The following DEPDC5 variants were observed in gnomAD, a reference collection of about 807,000 sequenced individuals.
DEPDC5 encodes the protein DEP domain containing 5, GATOR1 subcomplex subunit, also known as GATOR1 complex protein DEPDC5.
A neutral mutation model predicts 217.3 loss-of-function variants in DEPDC5; 73 were observed. The observed-to-expected ratio is 0.34, with a 90% CI of 0.28 to 0.41. The LOEUF (loss-of-function observed/expected upper bound fraction) is 0.41. Ranked by LOEUF, DEPDC5 falls within the 10% of genes least tolerant of loss-of-function variation. The probability of loss-of-function intolerance (pLI) is 1.00; values close to 1 mark genes in which losing one functional copy is unlikely to be tolerated. For missense variants in DEPDC5, 1,675 were observed against 2,070.1 expected (o/e 0.81, Z 3.70); for synonymous variants, 733 against 756.7 (o/e 0.97, Z 0.51).
intron 38 of DEPDC5, among the ~76,000 whole-genome samples, chr22:31,880,431 A>G (rs2093142728): frequency 6.6e-6 from 1 of 152,162 alleles, no homozygotes; most frequent in South Asian, 2.1e-4. Context: ...AGACCATGGG[A>G]TTTATCTTAA....
At chr22:31,837,543 G>A (rs1007756939) in intron 26 of DEPDC5, among the ~76,000 whole-genome samples, 1 of 151,782 alleles carries the variant, frequency 6.6e-6, no homozygotes, top group Admixed American at 6.6e-5. Context: ...TTATAAAGAC[G>A]CTATTTTGCC....
At position 31,897,574 on chromosome 22, in the gene DEPDC5, C is replaced by T. The variant is rs755837385; in HGVS notation, c.4296C>T (p.Gly1432=). 1.1e-5 allele frequency: 17 copies of T among 1,614,078 alleles called. No individual in the cohort carries two copies. The highest frequency in any genetic ancestry group is 3.3e-5 in the Admixed American group (2 of 60,004). The change falls in exon 40 of 43, where the codon GGC becomes GGT. Residue 1432 remains glycine (G), a synonymous_variant. Transcript: ENST00000651528. ...TTGCACTGCCCAGTTACCTGTATGG[C>T]GACCCCCTTCGTGCCCAGCTCTTCA... ...GPFALPSYLY[G]DPLRAQLFIP...
rs1237661516 is a variant in DEPDC5, at chr22:31,877,174, G to A, written c.3805+909G>A. Among the ~76,000 whole-genome samples, 4 of 151,740 alleles carry A rather than the reference G, an allele frequency of 2.6e-5. No homozygotes were observed. The East Asian group carries it at 5.8e-4, about 22-fold the overall frequency. On this transcript the variant is annotated intron_variant, in intron 37 of 42. Coordinates refer to ENST00000651528, the MANE Select transcript of DEPDC5 (RefSeq NM_001242896.3). Reference sequence around the variant, plus strand: ...CAGCCGGCTGGGCACTGCGGCTCACGCCTATAATCCTAGCACTTTGGGAGG... The same window carrying A: ...CAGCCGGCTGGGCACTGCGGCTCACACCTATAATCCTAGCACTTTGGGAGG...
chr22:31,838,894 G>A (rs2091216962), intron 27 of DEPDC5, 49 bp downstream of exon 27: 1 of 1,547,890 alleles, frequency 6.5e-7, no homozygotes, highest in Non-Finnish European at 8.8e-7. Context: ...TACTGTGTAT[G>A]TGGAAGTGGG....
Position 31,831,820 on chromosome 22 carries a change from T to C in DEPDC5, c.2105-2095T>C, listed in dbSNP as rs187470257. ...AAAATGTGCTATATTTAGTGTACAG[T>C]TCTGTGAGTTTTGACAAATGCATAG... On this transcript the variant is annotated intron_variant, in intron 24 of 42. Coordinates refer to ENST00000651528, the MANE Select transcript of DEPDC5 (RefSeq NM_001242896.3). 2.8e-3 allele frequency among the ~76,000 whole-genome samples: 431 copies of C among 152,348 alleles called. 2 individuals are homozygous for C. The highest frequency in any genetic ancestry group is 9.6e-3 in the African/African-American group (401 of 41,574).
At chr22:31,859,078 T>G (rs1293425740) in intron 32 of DEPDC5, 6 of 136,906 alleles carry the variant, frequency 4.4e-5, no homozygotes, top group African/African-American at 1.7e-4. Context: ...ACCATTCCTT[T>G]GTTTTTTTTT....
intron 37 of DEPDC5, among the ~76,000 whole-genome samples, chr22:31,877,769 AAAAAAC>A (rs1263896438): frequency 2.0e-5 from 3 of 149,962 alleles, no homozygotes; most frequent in South Asian, 2.1e-4. Flanking sequence ...AAAAAAAAAA[AAAAAAC>A]AGCAAAAACA....
intron 39 of DEPDC5, among the ~76,000 whole-genome samples, 199 bp from the exon 40 acceptor site, chr22:31,897,283 C>T (rs1297667089): frequency 1.3e-5 from 2 of 152,178 alleles, no homozygotes; most frequent in African/African-American, 4.8e-5. Context: ...GCTTAGCTCA[C>T]AGTTTTTGTA....
At chr22:31,804,089 C>A in intron 15 of DEPDC5, 73 bp from the exon 16 acceptor site, 1 of 1,467,916 alleles carries the variant, frequency 6.8e-7, no homozygotes. Context: ...ATTTAAATAA[C>A]ATGATTTATA....
Position 31,756,577 on chromosome 22 carries a change from A to G in DEPDC5, c.58+1598A>G, listed in dbSNP as rs139347125. ...AAATACATGTTTTTATGTATAAAAT[A>G]CAAAGGTAGTTAGATGCTGTATCCA... On this transcript the variant is annotated intron_variant, in intron 2 of 42. Coordinates refer to ENST00000651528, the MANE Select transcript of DEPDC5 (RefSeq NM_001242896.3). Among the ~76,000 whole-genome samples, 11 of 152,342 alleles carry G rather than the reference A, an allele frequency of 7.2e-5. No homozygotes were observed. The East Asian group carries it at 2.1e-3, about 29-fold the overall frequency.
In DEPDC5 at chr22:31,840,458, GA is replaced by G. The variant is rs771573214; in HGVS notation, c.2515+1614del. Among the ~76,000 whole-genome samples, 10 of 152,326 alleles carry G rather than the reference GA, an allele frequency of 6.6e-5. No individual in the cohort carries two copies. The East Asian group carries it at 1.7e-3, about 26-fold the overall frequency. ...TCAGGAGACCCAAGCCTGTCTGAAG[GA>G]TTTTGTCCTTTATCCCAAGAGTAAT... On this transcript the variant is annotated intron_variant, in intron 27 of 42. Transcript: ENST00000651528.
intron 32 of DEPDC5, 38 bp from the exon 33 acceptor site, chr22:31,861,330 G>A (rs2092503859): frequency 6.5e-7 from 1 of 1,546,700 alleles, no homozygotes; most frequent in Admixed American, 2.0e-5. Context: ...TCGCTTCCTT[G>A]CAACTGCTGC....
At chr22:31,815,347 A>G (rs1038312963) in intron 21 of DEPDC5, 135 bp downstream of exon 21, 2 of 902,224 alleles carry the variant, frequency 2.2e-6, no homozygotes, top group Non-Finnish European at 1.8e-6. Context: ...CAGTAGGTAC[A>G]AATCACTTTA....
At chr22:31,789,182 C>T (rs1245126378) in intron 10 of DEPDC5, among the ~76,000 whole-genome samples, 2 of 152,204 alleles carry the variant, frequency 1.3e-5, no homozygotes, top group East Asian at 1.9e-4. Context: ...GGGCCTAGCC[C>T]GTATTCTTGA....
intron 20 of DEPDC5, among the ~76,000 whole-genome samples, chr22:31,812,928 C>CG (rs951644366): frequency 6.6e-6 from 1 of 151,862 alleles, no homozygotes. Flanking sequence ...TTAGTAGAGA[C>CG]GGGGTTTCTC....
rs189957573 is a variant in DEPDC5 at position 31,899,318 on chromosome 22, A to T, written c.4375+1665A>T. 1.4e-3 allele frequency among the ~76,000 whole-genome samples: 219 copies of T among 152,224 alleles called. 1 individual carries two copies. The highest frequency in any genetic ancestry group is 5.0e-3 in the African/African-American group (208 of 41,544). ...CTATAGCAGCAAATTCAAAATCTTA[A>T]AAATCTGACAAGAGTGTGCTGTGTG... On this transcript the variant is annotated intron_variant, in intron 40 of 42. Transcript: ENST00000651528.
chr22:31,820,129 T>A (rs1171574253), intron 22 of DEPDC5, among the ~76,000 whole-genome samples: 1 of 152,078 alleles, frequency 6.6e-6, no homozygotes, highest in African/African-American at 2.4e-5. Flanking sequence ...TGTGTGTGTG[T>A]GAGACAGTGT....
intron 4 of DEPDC5, among the ~76,000 whole-genome samples, chr22:31,762,757 C>G (rs751858418): frequency 4.5e-4 from 69 of 152,046 alleles, no homozygotes; most frequent in Non-Finnish European, 8.2e-4. Flanking sequence ...GAACAAAACT[C>G]TGTCTCTAAA....
chr22:31,842,711 C>A (rs556490742), intron 27 of DEPDC5, among the ~76,000 whole-genome samples: 1 of 152,158 alleles, frequency 6.6e-6, no homozygotes, highest in African/African-American at 2.4e-5. Context: ...TTGGCTGCCA[C>A]CTTGGAGTGA....
Sources: gnomAD v4.1 joint callset for allele counts (sites outside exome capture counted in the v4.1 genomes callset) on GRCh38, gnomAD v4.1.1 for gene constraint, MANE v1.5 for transcripts, NCBI Gene and HGNC (gene_info 2026-07-23, HGNC 2026-07-21) for gene names.